The following GRM1 variants were observed in gnomAD, a reference collection of about 807,000 sequenced individuals.
GRM1 encodes metabotropic glutamate receptor 1.
In GRM1, 33 loss-of-function variants were observed where a neutral mutation model predicts 90.9. That is an observed-to-expected ratio of 0.36 (90% CI 0.28 to 0.49). The LOEUF (loss-of-function observed/expected upper bound fraction) is 0.49. Ranked by LOEUF, GRM1 falls within the 20% of genes least tolerant of loss-of-function variation. The pLI is 0.99. For missense variants in GRM1, 1,190 were observed against 1,534.3 expected, an observed-to-expected ratio of 0.78 and a Z score of 3.75; for synonymous variants, 700 against 613.2, an observed-to-expected ratio of 1.14 and a Z score of -2.09.
At chr6:146,373,214 T>G (rs1775967265) in intron 5 of GRM1, among the ~76,000 whole-genome samples, 1 of 152,150 alleles carries the variant, frequency 6.6e-6, no homozygotes, top group South Asian at 2.1e-4. Context: ...TAATTTTATG[T>G]GTGTGTATTA....
Position 146,340,823 on chromosome 6 carries a change from C to T in GRM1, c.1187-11427C>T, listed in dbSNP as rs141582708. ...CCTCCCAAAGTGCTGGGATTGCAGG[C>T]GTGAGCCACCGCGCCCTGCCCCAAA... On this transcript the variant is annotated intron_variant, in intron 3 of 7. Transcript: ENST00000282753. Among the ~76,000 whole-genome samples the T allele has an allele frequency of 1.7e-3, 258 of 152,262 alleles. 3 individuals carry two copies. The East Asian group carries it at 0.045, about 27-fold the overall frequency.
chr6:146,309,223 G>GC (rs1013482747), intron 3 of GRM1, among the ~76,000 whole-genome samples: 2 of 151,696 alleles, frequency 1.3e-5, no homozygotes, highest in African/African-American at 2.4e-5. Context: ...ACATGGTGAA[G>GC]CCCCATCTCT....
intron 3 of GRM1, among the ~76,000 whole-genome samples, chr6:146,330,322 A>G (rs362976): frequency 0.016 from 2,430 of 152,306 alleles, 55 homozygotes; most frequent in African/African-American, 0.055. Flanking sequence ...TCTAAAGAGA[A>G]AAGTTTCCGG....
Position 146,437,078 on chromosome 6 carries a change from A to G in GRM1, c.*2282A>G, listed in dbSNP as rs1425269299. Reference sequence around the variant, plus strand: ...TTCATTGTAAGAAAGCAGAGAGCGGAAAATCAATGGCTCCAGTGATTAATA... The same window carrying G: ...TTCATTGTAAGAAAGCAGAGAGCGGGAAATCAATGGCTCCAGTGATTAATA... On this transcript the variant is annotated 3_prime_UTR_variant, in exon 8 of 8. Coordinates refer to ENST00000282753, the MANE Select transcript of GRM1 (RefSeq NM_001278064.2). The G allele has an allele frequency of 6.6e-6, 1 of 152,164 alleles. No homozygotes were observed. Among genetic ancestry groups the G allele is most frequent in the Admixed American group, 6.5e-5 (1 of 15,274 alleles). The allele number at this position is 152,164 out of a possible 1,614,324, so 9.4% of individuals were successfully genotyped here.
chr6:146,364,332 A>C (rs1223704758), intron 5 of GRM1, among the ~76,000 whole-genome samples: 1 of 152,190 alleles, frequency 6.6e-6, no homozygotes, highest in Non-Finnish European at 1.5e-5. Flanking sequence ...TTTGTCTTGA[A>C]TATGATAGCA....
intron 1 of GRM1, among the ~76,000 whole-genome samples, chr6:146,106,684 C>T (rs1403361460): frequency 6.6e-6 from 1 of 152,224 alleles, no homozygotes; most frequent in African/African-American, 2.4e-5. Flanking sequence ...TTCCCAGTGA[C>T]TGCCAACAAA....
Position 146,289,768 on chromosome 6 carries a change from A to G in GRM1, c.951-14843A>G, listed in dbSNP as rs561195919. On this transcript the variant is annotated intron_variant, in intron 2 of 7. Coordinates refer to ENST00000282753, the MANE Select transcript of GRM1 (RefSeq NM_001278064.2). ...TCCTAGCGTTGTGTTACAATTGCCT[A>G]CAGTATTCAATATAGTCACAGGCTG... Among the ~76,000 whole-genome samples, 159 of 152,322 alleles carry G rather than the reference A, an allele frequency of 1.0e-3. 2 individuals are homozygous for G. Among genetic ancestry groups the G allele is most frequent in the South Asian group, 2.3e-3 (11 of 4,830 alleles).
At chr6:146,351,939 A>G (rs140953527) in intron 3 of GRM1, among the ~76,000 whole-genome samples, 1 of 152,222 alleles carries the variant, frequency 6.6e-6, no homozygotes, top group Non-Finnish European at 1.5e-5. Context: ...AGGGAGTAAG[A>G]GTTATTTCCA....
intron 2 of GRM1, among the ~76,000 whole-genome samples, chr6:146,260,640 A>G (rs148097777): frequency 6.6e-6 from 1 of 151,982 alleles, no homozygotes; most frequent in East Asian, 1.9e-4. Flanking sequence ...GATATTTTTA[A>G]TAGTAGCCAT....
At chr6:146,407,430 G>A (rs984635639) in intron 7 of GRM1, among the ~76,000 whole-genome samples, 1 of 152,050 alleles carries the variant, frequency 6.6e-6, no homozygotes, top group African/African-American at 2.4e-5. Flanking sequence ...GACAGACCAT[G>A]GGCACCTATT....
At chr6:146,327,284 C>T (rs527243934) in intron 3 of GRM1, among the ~76,000 whole-genome samples, 118 of 152,106 alleles carry the variant, frequency 7.8e-4, no homozygotes, top group African/African-American at 2.7e-3. Flanking sequence ...ATAAGGGTTA[C>T]GTAAAATCAG....
chr6:146,349,259 T>C (rs1257910552), intron 3 of GRM1, among the ~76,000 whole-genome samples: 1 of 150,926 alleles, frequency 6.6e-6, no homozygotes, highest in Non-Finnish European at 1.5e-5. Flanking sequence ...TTTTTTTTAT[T>C]TTTAGTAGAT....
At chr6:146,067,419 G>A (rs1409573194) in intron 1 of GRM1, among the ~76,000 whole-genome samples, 1 of 151,964 alleles carries the variant, frequency 6.6e-6, no homozygotes, top group Non-Finnish European at 1.5e-5. Flanking sequence ...TTACTTCTGG[G>A]TAATTATTTG....
intron 5 of GRM1, among the ~76,000 whole-genome samples, chr6:146,382,312 A>T (rs1306464907): frequency 9.3e-6 from 1 of 107,462 alleles, no homozygotes; most frequent in African/African-American, 3.1e-5. Flanking sequence ...AGATATAAGA[A>T]CCTAAGATTT....
chr6:146,074,441 GATTCCCTCAA>G (rs1776116236), intron 1 of GRM1, among the ~76,000 whole-genome samples: 1 of 152,078 alleles, frequency 6.6e-6, no homozygotes, highest in East Asian at 1.9e-4. Context: ...GGGTTATTGA[GATTCCCTCAA>G]ATTCAGAGTC....
intron 1 of GRM1, among the ~76,000 whole-genome samples, chr6:146,127,022 C>T (rs1367499482): frequency 6.6e-6 from 1 of 152,140 alleles, no homozygotes; most frequent in African/African-American, 2.4e-5. Flanking sequence ...TCCACAAGTA[C>T]ATTGCTAGGG....
chr6:146,209,778 A>G (rs1779619995), intron 2 of GRM1, among the ~76,000 whole-genome samples: 1 of 152,166 alleles, frequency 6.6e-6, no homozygotes, highest in African/African-American at 2.4e-5. Flanking sequence ...GATTCAATGA[A>G]CCTTAGTGTT....
intron 1 of GRM1, among the ~76,000 whole-genome samples, chr6:146,098,951 C>T (rs1776959487): frequency 7.9e-6 from 1 of 125,946 alleles, no homozygotes; most frequent in Non-Finnish European, 1.8e-5. Flanking sequence ...TAACCAGTTT[C>T]AGGCATTTTT....
intron 2 of GRM1, among the ~76,000 whole-genome samples, chr6:146,167,046 G>A (rs1193795057): frequency 1.3e-5 from 2 of 152,022 alleles, no homozygotes; most frequent in Non-Finnish European, 2.9e-5. Context: ...TCTTAGTACC[G>A]CCTTGCAGTC....
Sources: allele counts gnomAD v4.1 joint callset (sites outside exome capture counted in the v4.1 genomes callset), GRCh38; gene constraint gnomAD v4.1.1; transcripts MANE v1.5; gene names NCBI Gene and HGNC (gene_info 2026-07-23, HGNC 2026-07-21).